Variants in UBAC2 observed in about 807,000 individuals in gnomAD.
UBAC2 encodes the protein UBA domain containing 2.
UBAC2 carries 26 observed loss-of-function variants against 44.0 expected under a neutral mutation model. That is an observed-to-expected ratio of 0.59 (90% CI 0.43 to 0.82). UBAC2 has a LOEUF of 0.82. Among genes scored for constraint, UBAC2 ranks in the 40% least tolerant of loss-of-function variants. The pLI, the probability that UBAC2 is intolerant of heterozygous loss-of-function variation, is 0.00. For synonymous variants in UBAC2, 155 were observed against 154.3 expected, an observed-to-expected ratio of 1.00 and a Z score of -0.04; for missense variants, 329 against 419.4, an observed-to-expected ratio of 0.78 and a Z score of 1.88.
chr13:99,375,367 G>A (rs555230365), intron 8 of UBAC2, among the ~76,000 whole-genome samples: 23 of 152,170 alleles, frequency 1.5e-4, no homozygotes, highest in East Asian at 5.8e-4. Flanking sequence ...CAAGGGTCTC[G>A]GCCATGCGTC....
At chr13:99,243,233 C>CT (rs773750160) in intron 2 of UBAC2, among the ~76,000 whole-genome samples, 6,519 of 94,312 alleles carry the variant, frequency 0.069, 183 homozygotes, top group Non-Finnish European at 0.075. Flanking sequence ...TTGAGTAGCT[C>CT]TTTTTTTTTT....
chr13:99,213,355 C>T (rs1459830904), intron 1 of UBAC2, among the ~76,000 whole-genome samples: 3 of 151,600 alleles, frequency 2.0e-5, no homozygotes, highest in Non-Finnish European at 4.4e-5. Context: ...ACGCCCTATC[C>T]ATAACTTTTT....
At chr13:99,250,466 TA>T in intron 4 of UBAC2, among the ~76,000 whole-genome samples, 1 of 152,202 alleles carries the variant, frequency 6.6e-6, no homozygotes, top group East Asian at 1.9e-4. Flanking sequence ...ACTGTAGCCT[TA>T]TAATCTGAAG....
At chr13:99,279,617 T>G (rs1291111374) in intron 4 of UBAC2, among the ~76,000 whole-genome samples, 5 of 152,214 alleles carry the variant, frequency 3.3e-5, no homozygotes, top group Non-Finnish European at 5.9e-5. Flanking sequence ...CCTTAGCCTG[T>G]TCAGGCTCCT....
chr13:99,308,237 G>A (rs542391605), intron 4 of UBAC2, among the ~76,000 whole-genome samples: 2 of 152,340 alleles, frequency 1.3e-5, no homozygotes, highest in East Asian at 3.9e-4. Context: ...ACTTCTGGGT[G>A]CTGCTTTTTA....
chr13:99,279,767 A>C (rs1025876136), intron 4 of UBAC2, among the ~76,000 whole-genome samples: 1 of 152,248 alleles, frequency 6.6e-6, no homozygotes, highest in Admixed American at 6.5e-5. Context: ...CTCACATGGC[A>C]GAAAGCAGAG....
intron 4 of UBAC2, among the ~76,000 whole-genome samples, chr13:99,271,688 A>G (rs950247359): frequency 1.1e-4 from 17 of 152,218 alleles, no homozygotes; most frequent in South Asian, 2.1e-4. Context: ...CAGGTTATCA[A>G]ATTCTCCCTC....
intron 4 of UBAC2, among the ~76,000 whole-genome samples, chr13:99,276,712 G>A (rs900676359): frequency 1.3e-5 from 2 of 152,182 alleles, no homozygotes; most frequent in Non-Finnish European, 2.9e-5. Flanking sequence ...CCTGCTGGTC[G>A]GCCAGCTCCA....
rs546801355 is a variant in UBAC2 at position 99,312,184 on chromosome 13, C to A, written c.390-1913C>A. 6.6e-5 allele frequency among the ~76,000 whole-genome samples: 10 copies of A among 152,324 alleles called. 1 individual carries two copies. Among genetic ancestry groups the A allele is most frequent in the African/African-American group, 2.4e-4 (10 of 41,578 alleles). ...GAGGACAGTGCATTTTTTAAAATAA[C>A]GTAGTCTCTATCAAGGATGAGAAAT... On this transcript the variant is annotated intron_variant, in intron 4 of 8. Transcript: ENST00000403766.
intron 4 of UBAC2, among the ~76,000 whole-genome samples, chr13:99,303,144 A>G (rs17472050): frequency 0.066 from 10,027 of 152,284 alleles, 501 homozygotes; most frequent in Non-Finnish European, 0.1. Context: ...CCAGCTCCCA[A>G]TAGATCTGCG....
intron 1 of UBAC2, among the ~76,000 whole-genome samples, chr13:99,203,106 C>T (rs1000530981): frequency 7.9e-5 from 12 of 151,522 alleles, no homozygotes; most frequent in African/African-American, 1.9e-4. Flanking sequence ...GGTGGATCTC[C>T]GCTCACTGCA....
At chr13:99,201,502 G>A in intron 1 of UBAC2, 1 of 1,614,212 alleles carries the variant, frequency 6.2e-7, no homozygotes, top group Non-Finnish European at 8.5e-7. Context: ...AGGAAGTCGT[G>A]GCGAGGGAGC....
intron 4 of UBAC2, among the ~76,000 whole-genome samples, chr13:99,267,010 C>T (rs982122309): frequency 3.9e-5 from 6 of 152,248 alleles, no homozygotes; most frequent in East Asian, 1.9e-4. Context: ...CGCAGGCACA[C>T]CTCTCTCACA....
intron 6 of UBAC2, among the ~76,000 whole-genome samples, chr13:99,332,078 C>T (rs560694817): frequency 6.6e-6 from 1 of 151,846 alleles, no homozygotes; most frequent in Non-Finnish European, 1.5e-5. Flanking sequence ...AAAGCAGCCC[C>T]TAGGTTTGTC....
At chr13:99,297,588 G>A (rs1239796090) in intron 4 of UBAC2, among the ~76,000 whole-genome samples, 1 of 152,050 alleles carries the variant, frequency 6.6e-6, no homozygotes, top group East Asian at 1.9e-4. Context: ...ATTCTGTACA[G>A]TGTTGATAGG....
At chr13:99,219,931 A>G (rs532075926) in intron 1 of UBAC2, among the ~76,000 whole-genome samples, 3 of 152,230 alleles carry the variant, frequency 2.0e-5, no homozygotes, top group Non-Finnish European at 2.9e-5. Context: ...ATTCTATTGT[A>G]TGGATATACA....
intron 1 of UBAC2, among the ~76,000 whole-genome samples, chr13:99,221,010 G>A (rs1293518614): frequency 2.0e-5 from 3 of 151,718 alleles, no homozygotes; most frequent in East Asian, 1.9e-4. Flanking sequence ...AATATTTTGC[G>A]CTTACTATTT....
intron 5 of UBAC2, among the ~76,000 whole-genome samples, chr13:99,316,489 A>G (rs930144599): frequency 3.3e-5 from 5 of 152,184 alleles, no homozygotes; most frequent in African/African-American, 1.2e-4. Flanking sequence ...AGGCTCATTT[A>G]AGTATCCAAT....
At chr13:99,338,483 C>T (rs899574662) in intron 6 of UBAC2, among the ~76,000 whole-genome samples, 3 of 152,182 alleles carry the variant, frequency 2.0e-5, no homozygotes, top group African/African-American at 7.2e-5. Flanking sequence ...TTCTGAGTCC[C>T]ACAGGACTCT....
Sources: allele counts gnomAD v4.1 joint callset (sites outside exome capture counted in the v4.1 genomes callset), GRCh38; gene constraint gnomAD v4.1.1; transcripts MANE v1.5; gene names NCBI Gene and HGNC (gene_info 2026-07-23, HGNC 2026-07-21).